Variants in STX12 observed in about 807,000 individuals in gnomAD.
The protein encoded by STX12 is syntaxin-12.
A neutral mutation model predicts 42.2 loss-of-function variants in STX12; 17 were observed. The ratio of observed to expected loss-of-function variants is 0.40; its 90% CI spans 0.28 to 0.60. STX12 has a LOEUF of 0.60. Ranked by LOEUF, STX12 falls within the 20% of genes least tolerant of loss-of-function variation. STX12 has a pLI of 0.39. For synonymous variants in STX12, 108 were observed against 116.7 expected, an observed-to-expected ratio of 0.93 and a Z score of 0.48; for missense variants, 297 against 330.9, an observed-to-expected ratio of 0.90 and a Z score of 0.79.
In STX12 at chr1:27,818,055, G is replaced by A. The variant is rs1352167398; in HGVS notation, c.649+132G>A. On this transcript the variant is annotated intron_variant, in intron 7 of 8. Transcript: ENST00000373943. ...TTGAAGCCAACCTGGGCAACATAATGAGAATTTGTCTCTTAAAAAAGAAAG... is the reference window on the plus strand; with the variant it reads ...TTGAAGCCAACCTGGGCAACATAATAAGAATTTGTCTCTTAAAAAAGAAAG... 1.8e-5 allele frequency: 12 copies of A among 681,142 alleles called. No homozygotes were observed. In the South Asian group the frequency reaches 2.2e-4, roughly 13 times the overall value. 42.2% of individuals were successfully genotyped at this position (681,142 alleles called of 1,614,324 possible). A position where few individuals can be genotyped will look rare whatever the true frequency, so the allele number is the denominator to read the frequency against.
chr1:27,789,482 G>C (rs72655053), intron 1 of STX12, 80 bp from the exon 2 acceptor site: 18,860 of 1,055,180 alleles, frequency 0.018, 221 homozygotes, highest in Middle Eastern at 0.026. Flanking sequence ...AATGGGAAGA[G>C]ACCAGGAATC....
chr1:27,819,124 C>G (rs1315447053), intron 7 of STX12, among the ~76,000 whole-genome samples: 1 of 151,842 alleles, frequency 6.6e-6, no homozygotes, highest in Non-Finnish European at 1.5e-5. Context: ...AAAAAATTAG[C>G]CAGGCATAGT....
At chr1:27,817,058 GGAAGGAAGGAAA>G (rs960324987) in intron 6 of STX12, among the ~76,000 whole-genome samples, 9 of 148,222 alleles carry the variant, frequency 6.1e-5, no homozygotes, top group East Asian at 4.0e-4. Flanking sequence ...GAGGGAGGAA[GGAAGGAAGGAAA>G]GAAGGAAGGA....
intron 6 of STX12, among the ~76,000 whole-genome samples, chr1:27,816,363 AC>A (rs1258987020): frequency 6.6e-6 from 1 of 151,886 alleles, no homozygotes; most frequent in East Asian, 1.9e-4. Flanking sequence ...AATCCCATCT[AC>A]TGGGGAGGAT....
At chr1:27,811,638 G>C (rs1409496235) in intron 5 of STX12, among the ~76,000 whole-genome samples, 3 of 151,662 alleles carry the variant, frequency 2.0e-5, no homozygotes, top group Non-Finnish European at 4.4e-5. Flanking sequence ...CGCCTGGCCT[G>C]TTAAGAGGTA....
At chr1:27,819,160 T>C (rs2148608644) in intron 7 of STX12, among the ~76,000 whole-genome samples, 1 of 151,074 alleles carries the variant, frequency 6.6e-6, no homozygotes, top group Admixed American at 6.6e-5. Flanking sequence ...TCCTAGCTAC[T>C]CAGGAGGCTG....
chr1:27,791,611 C>T (rs896847975), intron 2 of STX12, among the ~76,000 whole-genome samples: 10 of 152,222 alleles, frequency 6.6e-5, no homozygotes, highest in East Asian at 1.9e-4. Flanking sequence ...GTCAGGAGAT[C>T]GAGACCATCC....
intron 2 of STX12, among the ~76,000 whole-genome samples, chr1:27,790,903 T>C (rs2088736010): frequency 6.6e-6 from 1 of 151,694 alleles, no homozygotes; most frequent in South Asian, 2.1e-4. Flanking sequence ...ATCGCACCAT[T>C]GCACTCCAGC....
At chr1:27,791,262 A>AAAAT (rs1258038652) in intron 2 of STX12, among the ~76,000 whole-genome samples, 2 of 152,150 alleles carry the variant, frequency 1.3e-5, no homozygotes, top group African/African-American at 2.4e-5. Context: ...ACTCCGTCTC[A>AAAAT]AAATAAATAA....
At chr1:27,814,914 G>A (rs556612346) in intron 6 of STX12, among the ~76,000 whole-genome samples, 1 of 150,412 alleles carries the variant, frequency 6.6e-6, no homozygotes, top group East Asian at 1.9e-4. Context: ...ACCGTGGAGT[G>A]AAAATATTTA....
chr1:27,802,208 A>T (rs2088832452), intron 4 of STX12, among the ~76,000 whole-genome samples: 1 of 152,214 alleles, frequency 6.6e-6, no homozygotes, highest in Non-Finnish European at 1.5e-5. Flanking sequence ...AGTATCAAAG[A>T]TTATGAAAAT....
chr1:27,773,753 G>C, intron 1 of STX12: 1 of 256,116 alleles, frequency 3.9e-6, no homozygotes, highest in Non-Finnish European at 7.9e-6. Flanking sequence ...ACTTGGCGCA[G>C]TGGTCAGCCG....
chr1:27,812,869 A>T (rs1401186176), intron 6 of STX12, among the ~76,000 whole-genome samples: 1 of 152,192 alleles, frequency 6.6e-6, no homozygotes, highest in African/African-American at 2.4e-5. Context: ...GAACAGAACA[A>T]GGCAGACAGA....
At chr1:27,801,330 G>A (rs2088826510) in intron 3 of STX12, among the ~76,000 whole-genome samples, 1 of 151,914 alleles carries the variant, frequency 6.6e-6, no homozygotes, top group South Asian at 2.1e-4. Context: ...TTGAACACGG[G>A]CGGCAGAGGT....
intron 6 of STX12, among the ~76,000 whole-genome samples, chr1:27,814,003 C>T (rs1390833747): frequency 2.6e-5 from 4 of 151,952 alleles, no homozygotes; most frequent in African/African-American, 7.3e-5. Context: ...TGGGTTCAAG[C>T]GATTCTCCTG....
rs1399842809 is a variant in STX12 at position 27,815,994 on chromosome 1, G to A, written c.577-1857G>A. 3.9e-5 allele frequency among the ~76,000 whole-genome samples: 6 copies of A among 152,104 alleles called. No individual in the cohort carries two copies. The East Asian group carries it at 1.2e-3, about 29-fold the overall frequency. The stretch of plus-strand genomic sequence containing the variant: ...AATTCGAGACCAGCCTGGCCAATGT[G>A]GTGAAACTCTGTCTCTACTAAAAAT... On this transcript the variant is annotated intron_variant, in intron 6 of 8. Coordinates refer to ENST00000373943, the MANE Select transcript of STX12 (RefSeq NM_177424.3).
chr1:27,789,573 A>C lies in STX12; in HGVS notation c.130A>C (p.Lys44Gln). The C allele has an allele frequency of 1.2e-6, 2 of 1,613,580 alleles. No homozygotes were observed. The highest frequency in any genetic ancestry group is 1.7e-6 in the Non-Finnish European group (2 of 1,179,706). Residue 44 changes from lysine to glutamine, a missense_variant, in exon 2 of 9, where the codon AAG becomes CAG. Transcript: ENST00000373943. ...TCCTATCTCCCCAGCTGCTCAGATA[A>C]AGAATTTGATGAGCCAGCTAGGAAC... ...QRISQATAQIKNLMSQLGTKQ... is the reference protein window; with the variant it reads ...QRISQATAQIQNLMSQLGTKQ...
chr1:27,817,738 T>A, intron 6 of STX12, 113 bp from the exon 7 acceptor site: 1 of 837,644 alleles, frequency 1.2e-6, no homozygotes, highest in Non-Finnish European at 1.9e-6. Flanking sequence ...GAAAGCATGC[T>A]TTGTAGAGCC....
At chr1:27,792,180 ATG>A (rs2088749203) in intron 2 of STX12, among the ~76,000 whole-genome samples, 1 of 125,050 alleles carries the variant, frequency 8.0e-6, no homozygotes, top group African/African-American at 4.1e-5. Context: ...ATACATATAT[ATG>A]TATCTATATA....
Sources: gnomAD v4.1 joint callset for allele counts (sites outside exome capture counted in the v4.1 genomes callset) on GRCh38, gnomAD v4.1.1 for gene constraint, MANE v1.5 for transcripts, NCBI Gene and HGNC (gene_info 2026-07-23, HGNC 2026-07-21) for gene names.